Variants in NBEA observed in about 807,000 individuals in gnomAD.
NBEA encodes the protein neurobeachin.
A neutral mutation model predicts 343.4 loss-of-function variants in NBEA; 44 were observed. That is an observed-to-expected ratio of 0.13 (90% CI 0.10 to 0.16). NBEA has a LOEUF of 0.16. Ranked by LOEUF, NBEA falls within the 10% of genes least tolerant of loss-of-function variation. The pLI is 1.00. For synonymous variants in NBEA, 1,175 were observed against 1,238.7 expected (o/e 0.95, Z 1.08); for missense variants, 2,555 against 3,631.3 (o/e 0.70, Z 7.62).
intron 1 of NBEA, among the ~76,000 whole-genome samples, chr13:35,038,203 C>T (rs1306327613): frequency 6.6e-6 from 1 of 152,082 alleles, no homozygotes; most frequent in African/African-American, 2.4e-5. Context: ...CCTTAAGGAC[C>T]AAGGGCTCTT....
At chr13:35,462,499 G>A (rs1450871470) in intron 40 of NBEA, among the ~76,000 whole-genome samples, 1 of 152,124 alleles carries the variant, frequency 6.6e-6, no homozygotes, top group East Asian at 1.9e-4. Flanking sequence ...CATGAGTCAG[G>A]GAGTCTCTGA....
intron 39 of NBEA, among the ~76,000 whole-genome samples, chr13:35,442,618 G>A (rs1387670657): frequency 1.3e-5 from 2 of 151,946 alleles, no homozygotes; most frequent in Non-Finnish European, 2.9e-5. Context: ...ATATTTTCTT[G>A]CACTTTTTTA....
intron 33 of NBEA, among the ~76,000 whole-genome samples, chr13:35,223,847 G>C (rs2074507219): frequency 6.6e-6 from 1 of 152,066 alleles, no homozygotes; most frequent in Admixed American, 6.6e-5. Flanking sequence ...CCAACACTCA[G>C]GTCACACTGG....
chr13:35,438,697 AAGAG>A (rs984658972), intron 39 of NBEA, among the ~76,000 whole-genome samples: 6 of 152,294 alleles, frequency 3.9e-5, no homozygotes, highest in African/African-American at 1.4e-4. Context: ...AATTTTTAGA[AAGAG>A]AGAGAGAAAG....
At chr13:35,457,484 TTC>T (rs1203865697) in intron 40 of NBEA, among the ~76,000 whole-genome samples, 1 of 152,216 alleles carries the variant, frequency 6.6e-6, no homozygotes, top group Non-Finnish European at 1.5e-5. Context: ...CTAATCTACT[TTC>T]TGTCTCTATA....
intron 34 of NBEA, among the ~76,000 whole-genome samples, chr13:35,260,671 T>C (rs2033130286): frequency 6.6e-6 from 1 of 152,250 alleles, no homozygotes; most frequent in Non-Finnish European, 1.5e-5. Context: ...CCCTTGAATC[T>C]TGAATTTTTT....
At chr13:35,288,625 G>C (rs370785797) in intron 34 of NBEA, among the ~76,000 whole-genome samples, 14 of 151,778 alleles carry the variant, frequency 9.2e-5, no homozygotes, top group African/African-American at 2.9e-4. Context: ...TTGTTGCATA[G>C]GGTTTTTTAT....
chr13:35,404,392 G>A (rs1444547255), intron 38 of NBEA, among the ~76,000 whole-genome samples: 2 of 150,068 alleles, frequency 1.3e-5, no homozygotes, highest in Admixed American at 1.3e-4. Context: ...AGAAAATGTG[G>A]CACATATACA....
chr13:35,023,511 G>C (rs1485796349), intron 1 of NBEA, among the ~76,000 whole-genome samples: 2 of 152,144 alleles, frequency 1.3e-5, no homozygotes, highest in African/African-American at 4.8e-5. Context: ...CGATCATAGA[G>C]GAGGGTAGTA....
intron 10 of NBEA, among the ~76,000 whole-genome samples, chr13:35,083,573 C>A (rs1455053578): frequency 6.6e-6 from 1 of 152,050 alleles, no homozygotes; most frequent in Non-Finnish European, 1.5e-5. Context: ...GATTTTGTCA[C>A]CACCAGGCCT....
chr13:35,227,405 T>A lies in NBEA; in HGVS notation c.5649-5087T>A, dbSNP rs889113632. On this transcript the variant is annotated intron_variant, in intron 33 of 58. Coordinates refer to ENST00000379939, the MANE Select transcript of NBEA (RefSeq NM_001385012.1). ...TGTGTGTTTATTCTATCATTAATAC[T>A]CTCTTAATCTTGTCTTTTCATCTGT... Among the ~76,000 whole-genome samples, 35 of 152,266 alleles carry A rather than the reference T, an allele frequency of 2.3e-4. 1 individual carries two copies. Among genetic ancestry groups the A allele is most frequent in the Middle Eastern group, 3.4e-3 (1 of 294 alleles).
intron 10 of NBEA, among the ~76,000 whole-genome samples, chr13:35,092,532 TCA>T (rs1162661152): frequency 6.6e-6 from 1 of 151,926 alleles, no homozygotes; most frequent in Non-Finnish European, 1.5e-5. Flanking sequence ...AGACTACAAT[TCA>T]GTTTTTAAAA....
At chr13:35,298,789 T>C (rs955888752) in intron 35 of NBEA, among the ~76,000 whole-genome samples, 3 of 152,038 alleles carry the variant, frequency 2.0e-5, no homozygotes, top group African/African-American at 7.2e-5. Context: ...ATTTCAGTAT[T>C]TCCTAATTTT....
chr13:35,219,310 A>T (rs2074235608), intron 33 of NBEA, among the ~76,000 whole-genome samples: 1 of 152,110 alleles, frequency 6.6e-6, no homozygotes, highest in South Asian at 2.1e-4. Flanking sequence ...AAATAACAAG[A>T]AACGGTTAAG....
At chr13:35,180,781 T>C (rs1015719680) in intron 28 of NBEA, among the ~76,000 whole-genome samples, 1 of 151,800 alleles carries the variant, frequency 6.6e-6, no homozygotes, top group Non-Finnish European at 1.5e-5. Context: ...ACCTGATCAA[T>C]ATACACTGAC....
chr13:35,006,116 G>T (rs1008030494), intron 1 of NBEA, among the ~76,000 whole-genome samples: 8 of 152,060 alleles, frequency 5.3e-5, no homozygotes, highest in Non-Finnish European at 1.2e-4. Context: ...CTCTTTACGT[G>T]TAATTATTGA....
intron 48 of NBEA, among the ~76,000 whole-genome samples, chr13:35,620,687 A>C (rs1028936339): frequency 1.3e-5 from 2 of 152,194 alleles, no homozygotes; most frequent in Non-Finnish European, 2.9e-5. Flanking sequence ...TGATTCTGCA[A>C]GGGTAGAATC....
At position 35,651,886 on chromosome 13, in the gene NBEA, TA is replaced by T; in HGVS notation, c.8035+16del. ...ATGGATCCATTAATAGGTATGTTAA[TA>T]AAAAAGAATAAATTTTCATGGATAC... is the stretch of plus-strand genomic sequence containing the variant. On this transcript the variant is annotated intron_variant, in intron 53 of 58. Coordinates refer to ENST00000379939, the MANE Select transcript of NBEA (RefSeq NM_001385012.1). 6.9e-7 allele frequency: 1 copy of T among 1,451,426 alleles called. No homozygotes were observed. The highest frequency in any genetic ancestry group is 9.5e-7 in the Non-Finnish European group (1 of 1,056,274). The allele number at this position is 1,451,426 out of a possible 1,614,324, so 89.9% of individuals were successfully genotyped here.
At chr13:35,196,574 A>C (rs2072617407) in intron 31 of NBEA, among the ~76,000 whole-genome samples, 1 of 152,124 alleles carries the variant, frequency 6.6e-6, no homozygotes, top group Non-Finnish European at 1.5e-5. Flanking sequence ...AAAGGACTAC[A>C]GTACATCGGG....
Sources: allele counts gnomAD v4.1 joint callset (sites outside exome capture counted in the v4.1 genomes callset), GRCh38; gene constraint gnomAD v4.1.1; transcripts MANE v1.5; gene names NCBI Gene and HGNC (gene_info 2026-07-23, HGNC 2026-07-21).